LCLAT1: variants seen among roughly 807,000 people sequenced by gnomAD.
LCLAT1 encodes the protein 1-AGP acyltransferase 8.
Under a neutral mutation model 30.7 loss-of-function variants are expected in LCLAT1, and 11 were observed. That is an observed-to-expected ratio of 0.36 (90% confidence interval 0.23 to 0.59). LCLAT1 has a LOEUF of 0.59. Among genes scored for constraint, LCLAT1 ranks in the 20% least tolerant of loss-of-function variants. LCLAT1 has a pLI of 0.77. For synonymous variants in LCLAT1, 155 were observed against 151.3 expected, an observed-to-expected ratio of 1.02 and a Z score of -0.18; for missense variants, 402 against 458.6, an observed-to-expected ratio of 0.88 and a Z score of 1.13.
intron 1 of LCLAT1, among the ~76,000 whole-genome samples, chr2:30,503,474 G>A (rs191120439): frequency 6.6e-6 from 1 of 152,134 alleles, no homozygotes; most frequent in African/African-American, 2.4e-5. Context: ...AATTTGAAAA[G>A]TAGTCCCTTA....
chr2:30,471,546 TC>T (rs1682795303), intron 1 of LCLAT1, among the ~76,000 whole-genome samples: 1 of 152,240 alleles, frequency 6.6e-6, no homozygotes, highest in South Asian at 2.1e-4. Flanking sequence ...GGTATATCCT[TC>T]CATATATTAG....
At chr2:30,451,218 G>C (rs1020003324) in intron 1 of LCLAT1, among the ~76,000 whole-genome samples, 1 of 152,184 alleles carries the variant, frequency 6.6e-6, no homozygotes, top group African/African-American at 2.4e-5. Flanking sequence ...GACAGTGCCG[G>C]TGTTGACAAG....
intron 5 of LCLAT1, among the ~76,000 whole-genome samples, chr2:30,604,095 AC>A (rs1192759611): frequency 8.3e-6 from 1 of 120,596 alleles, no homozygotes; most frequent in Admixed American, 9.4e-5. Flanking sequence ...CAGAGTAAGC[AC>A]ATGTCCCCAA....
intron 1 of LCLAT1, among the ~76,000 whole-genome samples, chr2:30,497,377 A>G (rs1041458920): frequency 6.6e-6 from 1 of 152,200 alleles, no homozygotes; most frequent in Non-Finnish European, 1.5e-5. Flanking sequence ...TTGCTTTTTT[A>G]TCAGGATTCT....
chr2:30,607,490 C>T (rs1174895142), intron 5 of LCLAT1: 1 of 152,028 alleles, frequency 6.6e-6, no homozygotes, highest in African/African-American at 2.4e-5. Flanking sequence ...AAATTCCTAT[C>T]ACCTGGTGAC....
intron 1 of LCLAT1, among the ~76,000 whole-genome samples, chr2:30,505,277 G>A (rs1262822846): frequency 2.0e-5 from 3 of 151,148 alleles, no homozygotes; most frequent in Non-Finnish European, 4.4e-5. Flanking sequence ...ACTCCCTCCA[G>A]CTGTGAAGGC....
intron 1 of LCLAT1, among the ~76,000 whole-genome samples, chr2:30,473,482 A>C (rs576256462): frequency 6.6e-6 from 1 of 152,234 alleles, no homozygotes; most frequent in African/African-American, 2.4e-5. Flanking sequence ...TTGGTTATCA[A>C]CATGTTTTTT....
intron 5 of LCLAT1, among the ~76,000 whole-genome samples, chr2:30,624,566 A>G (rs941074786): frequency 2.6e-5 from 4 of 152,216 alleles, no homozygotes; most frequent in African/African-American, 7.2e-5. Context: ...ACATTAAACT[A>G]TCACAATCCT....
At chr2:30,513,571 T>C (rs1685037065) in intron 1 of LCLAT1, among the ~76,000 whole-genome samples, 1 of 152,228 alleles carries the variant, frequency 6.6e-6, no homozygotes, top group African/African-American at 2.4e-5. Context: ...TTTTGGCCTT[T>C]AAACTCTCTG....
rs115475619 is a variant in LCLAT1 at position 30,546,475 on chromosome 2, G to A, written c.364+13161G>A. ...TAGGAACATGATTATAATGCATGCT[G>A]CTGTTAACATGAAAGTGGTTCAATA... On this transcript the variant is annotated intron_variant, in intron 3 of 5. Coordinates refer to ENST00000379509, the MANE Select transcript of LCLAT1 (RefSeq NM_001002257.3). Among the ~76,000 whole-genome samples the A allele has an allele frequency of 4.4e-3, 668 of 152,274 alleles. 7 individuals carry two copies. The highest frequency in any genetic ancestry group is 0.015 in the African/African-American group (635 of 41,558).
rs1364296798 is a variant in LCLAT1 at position 30,562,226 on chromosome 2, G to C, written c.445G>C (p.Asp149His). ...DDKSHFEDMI[D>H]YFCDIHEPLQ... ...CAAGAGCCATTTCGAAGACATGATTGATTACTTTTGTGATATTCACGAACC... is the reference window on the plus strand; with the variant it reads ...CAAGAGCCATTTCGAAGACATGATTCATTACTTTTGTGATATTCACGAACC... The change falls in exon 4 of 6, where the codon GAT becomes CAT. Residue 149 changes from aspartate to histidine, a missense_variant. Coordinates refer to ENST00000379509, the MANE Select transcript of LCLAT1 (RefSeq NM_001002257.3). 1 of 1,612,920 alleles carries C rather than the reference G, an allele frequency of 6.2e-7. No homozygotes were observed. The highest frequency in any genetic ancestry group is 1.7e-5 in the Admixed American group (1 of 59,984).
At chr2:30,523,172 G>T (rs1685556761) in intron 1 of LCLAT1, among the ~76,000 whole-genome samples, 1 of 151,484 alleles carries the variant, frequency 6.6e-6, no homozygotes, top group Non-Finnish European at 1.5e-5. Context: ...TAGTTACAGG[G>T]TTTCAAACAG....
intron 5 of LCLAT1, among the ~76,000 whole-genome samples, chr2:30,615,772 T>G (rs913834932): frequency 6.6e-6 from 1 of 152,120 alleles, no homozygotes; most frequent in African/African-American, 2.4e-5. Flanking sequence ...GCACTTTGAG[T>G]CTGTGGTAAG....
Position 30,609,852 on chromosome 2 carries a change from G to T in LCLAT1, c.629-30265G>T, listed in dbSNP as rs534852010. Among the ~76,000 whole-genome samples, 30 of 152,086 alleles carry T rather than the reference G, an allele frequency of 2.0e-4. 1 individual carries two copies. The South Asian group carries it at 6.2e-3, about 32-fold the overall frequency. The stretch of plus-strand genomic sequence containing the variant: ...CAACTAGATTATAAACTTCTAAAAG[G>T]CAAGGATTGCTTCCATGTCTTTAAA... On this transcript the variant is annotated intron_variant, in intron 5 of 5. Coordinates refer to ENST00000379509, the MANE Select transcript of LCLAT1 (RefSeq NM_001002257.3).
Position 30,596,314 on chromosome 2 carries a change from AC to A in LCLAT1, c.628+28139del, listed in dbSNP as rs544201731. ...CCTTGCCAGCATCTGTTGTTTCATG[AC>A]TTTTAAATAATTGCCATTTGGACTG... On this transcript the variant is annotated intron_variant, in intron 5 of 5. Transcript: ENST00000379509. Among the ~76,000 whole-genome samples, 578 of 152,124 alleles carry A rather than the reference AC, an allele frequency of 3.8e-3. 4 individuals are homozygous for A. The highest frequency in any genetic ancestry group is 6.4e-3 in the Non-Finnish European group (435 of 67,980).
At chr2:30,476,897 A>T (rs867449385) in intron 1 of LCLAT1, among the ~76,000 whole-genome samples, 5 of 152,270 alleles carry the variant, frequency 3.3e-5, no homozygotes, top group Middle Eastern at 3.4e-3. Context: ...ACCTCTTTAC[A>T]CTGTCATACT....
Position 30,481,770 on chromosome 2 carries a change from T to A in LCLAT1, c.-5+34387T>A, listed in dbSNP as rs558732496. On this transcript the variant is annotated intron_variant, in intron 1 of 5. Coordinates refer to ENST00000379509, the MANE Select transcript of LCLAT1 (RefSeq NM_001002257.3). The stretch of plus-strand genomic sequence containing the variant: ...AGGAAGCAGAGACCGTGTATGTAGT[T>A]AATGATTCATTTCTCTGGGCAATCA... Among the ~76,000 whole-genome samples, 38 of 152,302 alleles carry A rather than the reference T, an allele frequency of 2.5e-4. 1 individual carries two copies. In the South Asian group the frequency reaches 7.5e-3, roughly 30 times the overall value.
intron 1 of LCLAT1, among the ~76,000 whole-genome samples, chr2:30,463,896 A>C (rs928799017): frequency 6.6e-6 from 1 of 152,190 alleles, no homozygotes; most frequent in Non-Finnish European, 1.5e-5. Context: ...CGTTTATACT[A>C]TTTCTAATTT....
Position 30,447,254 on chromosome 2 carries a change from G to A in LCLAT1, c.-134G>A, listed in dbSNP as rs916902570. 2.0e-5 allele frequency: 3 copies of A among 151,990 alleles called. No individual in the cohort carries two copies. The highest frequency in any genetic ancestry group is 4.4e-5 in the Non-Finnish European group (3 of 68,018). 9.4% of individuals were successfully genotyped at this position (151,990 alleles called of 1,614,324 possible). On this transcript the variant is annotated 5_prime_UTR_variant, in exon 1 of 6. Coordinates refer to ENST00000379509, the MANE Select transcript of LCLAT1 (RefSeq NM_001002257.3). ...GCCTTCCGGGACGCATTACTAGGGC[G>A]ACGGCCGGACGCCTCCGCGTTACGG...
Sources: gnomAD v4.1 joint callset for allele counts (sites outside exome capture counted in the v4.1 genomes callset) on GRCh38, gnomAD v4.1.1 for gene constraint, MANE v1.5 for transcripts, NCBI Gene and HGNC (gene_info 2026-07-23, HGNC 2026-07-21) for gene names.